Variants in EIF4EBP1 observed in about 807,000 individuals in gnomAD.
EIF4EBP1 encodes eukaryotic translation initiation factor 4E-binding protein 1.
EIF4EBP1 carries 5 observed loss-of-function variants against 9.2 expected under a neutral mutation model. The ratio of observed to expected loss-of-function variants is 0.54; its 90% CI spans 0.28 to 1.14. EIF4EBP1 has a LOEUF of 1.14. Among genes scored for constraint, EIF4EBP1 ranks in the 50% most tolerant of loss-of-function variants. The pLI is 0.09. For synonymous variants in EIF4EBP1, 62 were observed against 67.0 expected, an observed-to-expected ratio of 0.93 and a Z score of 0.36; for missense variants, 139 against 169.6, an observed-to-expected ratio of 0.82 and a Z score of 1.00.
chr8:38,042,609 C>T (rs1175811532), intron 1 of EIF4EBP1, among the ~76,000 whole-genome samples: 2 of 152,192 alleles, frequency 1.3e-5, no homozygotes, highest in Non-Finnish European at 2.9e-5. Context: ...GCACATGGGC[C>T]TTCCTCTGTC....
At chr8:38,056,837 A>G (rs974763593) in intron 1 of EIF4EBP1, among the ~76,000 whole-genome samples, 3 of 151,698 alleles carry the variant, frequency 2.0e-5, no homozygotes, top group African/African-American at 7.3e-5. Flanking sequence ...TAATTTTTGT[A>G]TTTTTAGTAG....
rs921868487 is a variant in EIF4EBP1, at chr8:38,031,498, A to T, written c.145+780A>T. 3.9e-5 allele frequency among the ~76,000 whole-genome samples: 6 copies of T among 152,308 alleles called. 1 individual carries two copies. The highest frequency in any genetic ancestry group is 1.4e-4 in the African/African-American group (6 of 41,558). On this transcript the variant is annotated intron_variant, in intron 1 of 2. Transcript: ENST00000338825. ...GAGCCCCAGCGCACAGACGCTGATGAAACCTACGCGCCTGTTTGCATGATG... is the reference window on the plus strand; with the variant it reads ...GAGCCCCAGCGCACAGACGCTGATGTAACCTACGCGCCTGTTTGCATGATG...
At chr8:38,051,685 G>A (rs186609755) in intron 1 of EIF4EBP1, among the ~76,000 whole-genome samples, 1,890 of 151,592 alleles carry the variant, frequency 0.012, 19 homozygotes, top group Non-Finnish European at 0.022. Flanking sequence ...TGCAACCCCC[G>A]CCTCCCAGGT....
chr8:38,056,968 T>C, intron 1 of EIF4EBP1, 113 bp from the exon 2 acceptor site: 1 of 1,177,808 alleles, frequency 8.5e-7, no homozygotes, highest in Non-Finnish European at 1.2e-6. Context: ...CAGCCTCCTC[T>C]GGGTTTTTCA....
intron 1 of EIF4EBP1, among the ~76,000 whole-genome samples, chr8:38,052,760 C>G (rs1159513604): frequency 1.3e-5 from 2 of 151,886 alleles, no homozygotes; most frequent in African/African-American, 2.4e-5. Flanking sequence ...GCAATGTTGC[C>G]CAGGCTGGTC....
At chr8:38,057,060 A>G in intron 1 of EIF4EBP1, 21 bp from the exon 2 acceptor site, 1 of 1,574,054 alleles carries the variant, frequency 6.4e-7, no homozygotes, top group African/African-American at 1.5e-5. Context: ...TGGCTTGACC[A>G]ACCTCCCTGT....
chr8:38,033,363 C>T (rs1262202911), intron 1 of EIF4EBP1, among the ~76,000 whole-genome samples: 4 of 151,904 alleles, frequency 2.6e-5, no homozygotes, highest in Admixed American at 2.0e-4. Flanking sequence ...TCACCATGCC[C>T]GGCCTAGATT....
chr8:38,058,302 T>G (rs533391799), intron 2 of EIF4EBP1, among the ~76,000 whole-genome samples: 5 of 152,306 alleles, frequency 3.3e-5, no homozygotes, highest in South Asian at 2.1e-4. Flanking sequence ...GGCCTCCTGC[T>G]GCATCATAAC....
intron 1 of EIF4EBP1, among the ~76,000 whole-genome samples, chr8:38,044,766 G>A (rs1809428984): frequency 6.6e-6 from 1 of 152,168 alleles, no homozygotes; most frequent in Non-Finnish European, 1.5e-5. Flanking sequence ...ATTTAGGATT[G>A]GAGTCGAGGT....
chr8:38,044,179 C>T (rs1354871572), intron 1 of EIF4EBP1, among the ~76,000 whole-genome samples: 1 of 151,894 alleles, frequency 6.6e-6, no homozygotes, highest in African/African-American at 2.4e-5. Context: ...ATTCCATCCT[C>T]GTACTCTCAC....
chr8:38,031,507 C>T (rs764875359), intron 1 of EIF4EBP1, among the ~76,000 whole-genome samples: 4 of 152,200 alleles, frequency 2.6e-5, no homozygotes, highest in Non-Finnish European at 5.9e-5. Flanking sequence ...GAAACCTACG[C>T]GCCTGTTTGC....
chr8:38,056,716 T>G (rs1007628008), intron 1 of EIF4EBP1, among the ~76,000 whole-genome samples: 26 of 150,630 alleles, frequency 1.7e-4, no homozygotes, highest in Non-Finnish European at 2.8e-4. Flanking sequence ...CCCAGGCTGG[T>G]GTACAGTGGT....
At chr8:38,041,290 C>CG (rs767889174) in intron 1 of EIF4EBP1, among the ~76,000 whole-genome samples, 29 of 152,014 alleles carry the variant, frequency 1.9e-4, no homozygotes, top group African/African-American at 4.1e-4. Flanking sequence ...TTAGTAGAGG[C>CG]GGGGGTCTCA....
intron 2 of EIF4EBP1, among the ~76,000 whole-genome samples, chr8:38,058,443 G>A (rs1021351850): frequency 6.6e-6 from 1 of 152,136 alleles, no homozygotes; most frequent in East Asian, 1.9e-4. Flanking sequence ...ATCCATTCAT[G>A]AGGACAGAGC....
chr8:38,045,905 A>AT (rs551465174), intron 1 of EIF4EBP1, among the ~76,000 whole-genome samples: 40 of 148,386 alleles, frequency 2.7e-4, no homozygotes, highest in Admixed American at 9.4e-4. Context: ...CACCTGACTA[A>AT]TTTTTTTTTT....
intron 1 of EIF4EBP1, among the ~76,000 whole-genome samples, chr8:38,043,288 C>A (rs1036551582): frequency 5.9e-5 from 9 of 151,934 alleles, no homozygotes; most frequent in African/African-American, 2.2e-4. Flanking sequence ...GCTTGGCCAG[C>A]AATCAGAATA....
chr8:38,030,843 C>T (rs1809206672), intron 1 of EIF4EBP1, 125 bp downstream of exon 1: 3 of 1,314,178 alleles, frequency 2.3e-6, no homozygotes, highest in Non-Finnish European at 2.9e-6. Context: ...AAAGGGGCAT[C>T]GGAGAGACAG....
chr8:38,039,949 C>T (rs955237730), intron 1 of EIF4EBP1, among the ~76,000 whole-genome samples: 5 of 152,030 alleles, frequency 3.3e-5, no homozygotes, highest in Admixed American at 6.6e-5. Flanking sequence ...AGTACAGTGG[C>T]GCGATCACCA....
At chr8:38,037,379 T>C (rs28565141) in intron 1 of EIF4EBP1, among the ~76,000 whole-genome samples, 121,863 of 152,032 alleles carry the variant, frequency 0.8, 49,038 homozygotes, top group Middle Eastern at 0.88. Flanking sequence ...TGCAGTGGCA[T>C]GATCTCAGCT....
Sources: gnomAD v4.1 joint callset for allele counts (sites outside exome capture counted in the v4.1 genomes callset) on GRCh38, gnomAD v4.1.1 for gene constraint, MANE v1.5 for transcripts, NCBI Gene and HGNC (gene_info 2026-07-23, HGNC 2026-07-21) for gene names.